TTC39B: variants seen among roughly 807,000 people sequenced by gnomAD.
TTC39B encodes tetratricopeptide repeat protein 39B.
Under a neutral mutation model 96.6 loss-of-function variants are expected in TTC39B, and 92 were observed. The observed-to-expected ratio is 0.95, with a 90% confidence interval of 0.80 to 1.13. The LOEUF is 1.13. TTC39B is among the 50% of genes most tolerant of loss of function. The pLI, the probability that TTC39B is intolerant of heterozygous loss-of-function variation, is 0.00. For synonymous variants in TTC39B, 367 were observed against 299.4 expected (o/e 1.23, Z -2.33); for missense variants, 955 against 809.3 (o/e 1.18, Z -2.18).
exon 20 of TTC39B, chr9:15,170,193 T>TGACTTGAGCTCTAATAATC (rs138383065): frequency 6.6e-6 from 1 of 151,230 alleles, no homozygotes; most frequent in South Asian, 2.1e-4. Flanking sequence ...CATTGATATC[T>TGACTTGAGCTCTAATAATC]ATCTTTCATT....
chr9:15,270,138 C>T (rs1823287980), intron 1 of TTC39B, among the ~76,000 whole-genome samples: 1 of 151,752 alleles, frequency 6.6e-6, no homozygotes, highest in Admixed American at 6.6e-5. Flanking sequence ...CCACTGCACT[C>T]CAGACTGGGC....
At chr9:15,272,071 T>G (rs535837431) in intron 1 of TTC39B, among the ~76,000 whole-genome samples, 1 of 152,282 alleles carries the variant, frequency 6.6e-6, no homozygotes, top group Admixed American at 6.5e-5. Context: ...GAAAGACCAG[T>G]GCTTCCTTTC....
intron 1 of TTC39B, among the ~76,000 whole-genome samples, chr9:15,280,509 T>C (rs1232048917): frequency 1.3e-5 from 2 of 152,214 alleles, no homozygotes; most frequent in Non-Finnish European, 2.9e-5. Context: ...CTCACTGCCT[T>C]CAAGATTTAA....
chr9:15,205,349 G>C (rs1819785480), intron 6 of TTC39B, among the ~76,000 whole-genome samples: 1 of 152,170 alleles, frequency 6.6e-6, no homozygotes, highest in Non-Finnish European at 1.5e-5. Flanking sequence ...AATAGACTTA[G>C]ATGACAACAA....
At chr9:15,177,254 G>C (rs1169205034) in intron 18 of TTC39B, among the ~76,000 whole-genome samples, 1 of 152,018 alleles carries the variant, frequency 6.6e-6, no homozygotes, top group East Asian at 1.9e-4. Flanking sequence ...TATCTCTTAA[G>C]CTCAGGAGTT....
intron 3 of TTC39B, among the ~76,000 whole-genome samples, chr9:15,221,070 G>A (rs746775517): frequency 2.0e-5 from 3 of 152,204 alleles, no homozygotes; most frequent in Non-Finnish European, 4.4e-5. Context: ...GGTGTCTACT[G>A]TGAGGTTACT....
At chr9:15,171,128 A>G (rs901882809) in exon 20 of TTC39B, 6 of 152,192 alleles carry the variant, frequency 3.9e-5, no homozygotes, top group African/African-American at 1.4e-4. Flanking sequence ...CAGATTATCT[A>G]CAAGGAGACA....
chr9:15,298,536 T>C (rs990390919), intron 1 of TTC39B, among the ~76,000 whole-genome samples: 5 of 152,230 alleles, frequency 3.3e-5, no homozygotes, highest in South Asian at 2.1e-4. Flanking sequence ...GCGGGGAAAC[T>C]GCCCTTTATG....
chr9:15,224,094 C>T (rs991758915), intron 3 of TTC39B, among the ~76,000 whole-genome samples: 2 of 152,048 alleles, frequency 1.3e-5, no homozygotes, highest in Non-Finnish European at 2.9e-5. Context: ...CCTAACACAC[C>T]CTTCTCCCAC....
In TTC39B at chr9:15,182,286, G is replaced by A. The variant is rs761446815; in HGVS notation, c.1723+21C>T. 2.0e-6 allele frequency: 3 copies of A among 1,518,346 alleles called. No individual in the cohort carries two copies. In the South Asian group the frequency reaches 3.5e-5, roughly 18 times the overall value. 94.1% of individuals were successfully genotyped at this position (1,518,346 alleles called of 1,614,324 possible). On this transcript the variant is annotated intron_variant, in intron 17 of 19. Transcript: ENST00000512701. ...ATGGAGCAGAGACAAAGGCTCCTCG[G>A]TGCTTACTGTGTATACTTACTTTGA...
At chr9:15,301,986 T>C (rs551972811) in intron 1 of TTC39B, among the ~76,000 whole-genome samples, 2 of 152,228 alleles carry the variant, frequency 1.3e-5, no homozygotes, top group African/African-American at 2.4e-5. Flanking sequence ...CTTACTTTTT[T>C]AATTCAATAA....
intron 19 of TTC39B, 151 bp downstream of exon 19, chr9:15,174,868 G>A (rs1171206908): frequency 3.2e-6 from 2 of 631,814 alleles, no homozygotes; most frequent in East Asian, 2.7e-5. Context: ...CAAAAGCCAT[G>A]AGCATAAATC....
At chr9:15,171,285 T>C (rs1183298966) in exon 20 of TTC39B, 1 of 152,208 alleles carries the variant, frequency 6.6e-6, no homozygotes, top group Non-Finnish European at 1.5e-5. Context: ...CTCTCATTGC[T>C]AAGGTTAAGA....
At chr9:15,190,636 T>C (rs779623652) in exon 11 of TTC39B, 1 of 1,614,176 alleles carries the variant, frequency 6.2e-7, no homozygotes, top group East Asian at 2.2e-5. Context: ...CTGAAGCACC[T>C]TCACGTAACT....
At chr9:15,218,168 C>CAA (rs764511443) in intron 3 of TTC39B, among the ~76,000 whole-genome samples, 664 of 58,170 alleles carry the variant, frequency 0.011, 13 homozygotes, top group African/African-American at 0.034. Context: ...GACTCTGTCT[C>CAA]AAAAAAAAAA....
chr9:15,209,993 T>G, intron 6 of TTC39B, 95 bp downstream of exon 6: 1 of 875,732 alleles, frequency 1.1e-6, no homozygotes, highest in South Asian at 1.5e-5. Context: ...AAAAAGACAT[T>G]CCATTTACTT....
intron 1 of TTC39B, among the ~76,000 whole-genome samples, chr9:15,297,381 G>A (rs1587032281): frequency 6.6e-6 from 1 of 152,158 alleles, no homozygotes; most frequent in Non-Finnish European, 1.5e-5. Context: ...AAACATTAAG[G>A]GACTTGCTCT....
intron 2 of TTC39B, among the ~76,000 whole-genome samples, chr9:15,258,766 A>T (rs7860457): frequency 6.6e-6 from 1 of 151,708 alleles, no homozygotes; most frequent in Non-Finnish European, 1.5e-5. Flanking sequence ...CCCAACCACG[A>T]CTCAGTCTTC....
chr9:15,234,405 TG>T (rs570759166), intron 2 of TTC39B, among the ~76,000 whole-genome samples: 2 of 131,014 alleles, frequency 1.5e-5, no homozygotes, highest in Admixed American at 7.5e-5. Flanking sequence ...AGGAGGGAGG[TG>T]GGGGGGTCAG....
Sources: allele counts gnomAD v4.1 joint callset (sites outside exome capture counted in the v4.1 genomes callset), GRCh38; gene constraint gnomAD v4.1.1; transcripts MANE v1.5; gene names NCBI Gene and HGNC (gene_info 2026-07-23, HGNC 2026-07-21).